TBC1D32: variants seen among roughly 807,000 people sequenced by gnomAD.
The protein encoded by TBC1D32 is TBC1 domain family member 32, also known as protein broad-minded.
A neutral mutation model predicts 170.3 loss-of-function variants in TBC1D32; 151 were observed. The ratio of observed to expected loss-of-function variants is 0.89; its 90% CI spans 0.78 to 1.01. The LOEUF (loss-of-function observed/expected upper bound fraction) is 1.01. Among genes scored for constraint, TBC1D32 ranks in the 50% least tolerant of loss-of-function variants. The pLI is 0.00. For missense variants in TBC1D32, 1,464 were observed against 1,457.1 expected, an observed-to-expected ratio of 1.00 and a Z score of -0.08; for synonymous variants, 498 against 488.0, an observed-to-expected ratio of 1.02 and a Z score of -0.27.
intron 26 of TBC1D32, among the ~76,000 whole-genome samples, chr6:121,120,453 T>C (rs1406880953): frequency 1.3e-5 from 2 of 152,002 alleles, no homozygotes; most frequent in Admixed American, 1.3e-4. Flanking sequence ...GCTATACGAA[T>C]TGGAGATTAT....
intron 15 of TBC1D32, among the ~76,000 whole-genome samples, chr6:121,266,952 G>C (rs1800583983): frequency 6.6e-6 from 1 of 151,642 alleles, no homozygotes; most frequent in Non-Finnish European, 1.5e-5. Flanking sequence ...AGGACAAATA[G>C]ATAATGCATG....
chr6:121,294,532 C>A, intron 11 of TBC1D32, 38 bp downstream of exon 11: 1 of 1,471,796 alleles, frequency 6.8e-7, no homozygotes, highest in Non-Finnish European at 9.3e-7. Context: ...TAAAATTTAC[C>A]ATTTTTAAAA....
At chr6:121,205,000 T>C (rs533279993) in intron 22 of TBC1D32, 75 bp downstream of exon 22, 1 of 799,726 alleles carries the variant, frequency 1.3e-6, no homozygotes, top group Non-Finnish European at 1.9e-6. Context: ...AATACTTTTT[T>C]AAAGTATACA....
intron 21 of TBC1D32, among the ~76,000 whole-genome samples, chr6:121,213,118 C>T (rs1313827883): frequency 6.6e-6 from 1 of 152,138 alleles, no homozygotes; most frequent in African/African-American, 2.4e-5. Flanking sequence ...AAGCAGGAAA[C>T]ATTTTCCTTG....
At chr6:121,140,107 T>C (rs1266875412) in intron 24 of TBC1D32, among the ~76,000 whole-genome samples, 1 of 152,104 alleles carries the variant, frequency 6.6e-6, no homozygotes, top group Non-Finnish European at 1.5e-5. Context: ...CTTAGCATCA[T>C]GGTCTTTACC....
chr6:121,302,560 A>G (rs1806655322), intron 9 of TBC1D32, among the ~76,000 whole-genome samples: 1 of 152,150 alleles, frequency 6.6e-6, no homozygotes, highest in Admixed American at 6.5e-5. Context: ...GATGACCTAA[A>G]CAGATAAATA....
intron 22 of TBC1D32, among the ~76,000 whole-genome samples, chr6:121,162,185 C>T (rs542505325): frequency 6.6e-5 from 10 of 152,240 alleles, no homozygotes; most frequent in African/African-American, 2.4e-4. Flanking sequence ...TGTACAGAAG[C>T]TTTTTAGTCT....
At chr6:121,150,267 T>G (rs1784045924) in intron 24 of TBC1D32, among the ~76,000 whole-genome samples, 1 of 152,132 alleles carries the variant, frequency 6.6e-6, no homozygotes. Flanking sequence ...ATTGAGATCA[T>G]CAATGTTTTT....
chr6:121,134,397 T>C (rs756999039), intron 24 of TBC1D32, among the ~76,000 whole-genome samples: 1 of 152,078 alleles, frequency 6.6e-6, no homozygotes, highest in Non-Finnish European at 1.5e-5. Flanking sequence ...TTTCTCATCA[T>C]CTCATTCTAA....
chr6:121,292,230 T>C, intron 11 of TBC1D32, 37 bp from the exon 12 acceptor site: 1 of 1,549,064 alleles, frequency 6.5e-7, no homozygotes, highest in Non-Finnish European at 8.8e-7. Flanking sequence ...TTATTTAGTA[T>C]CATTATATTT....
intron 6 of TBC1D32, 45 bp downstream of exon 6, chr6:121,304,710 C>A (rs778252801): frequency 1.3e-6 from 2 of 1,527,856 alleles, no homozygotes; most frequent in Admixed American, 1.8e-5. Context: ...TTCTTAAGTA[C>A]ATGCAAATGA....
chr6:121,150,333 C>G (rs950439972), intron 24 of TBC1D32, among the ~76,000 whole-genome samples: 1 of 152,164 alleles, frequency 6.6e-6, no homozygotes, highest in Non-Finnish European at 1.5e-5. Flanking sequence ...GTTGAACCAG[C>G]CTTGCATCCC....
At chr6:121,250,356 A>T (rs1798135834) in intron 17 of TBC1D32, among the ~76,000 whole-genome samples, 1 of 152,114 alleles carries the variant, frequency 6.6e-6, no homozygotes, top group Non-Finnish European at 1.5e-5. Flanking sequence ...TGACAAACCA[A>T]ATCCAGCAGC....
Position 121,334,267 on chromosome 6 carries a change from C to T in TBC1D32, c.155+9G>A. ...GTTTATAGGCTTAAAACATCAAAAG[C>T]AATTTTACTTGTGAAAATTTTCATC... On this transcript the variant is annotated intron_variant, in intron 1 of 31. Coordinates refer to ENST00000398212, the MANE Select transcript of TBC1D32 (RefSeq NM_152730.6). 1 of 1,612,888 alleles carries T rather than the reference C, an allele frequency of 6.2e-7. No homozygotes were observed. Among genetic ancestry groups the T allele is most frequent in the Non-Finnish European group, 8.5e-7 (1 of 1,179,112 alleles).
chr6:121,297,580 T>C (rs1805851239), intron 10 of TBC1D32, among the ~76,000 whole-genome samples: 1 of 152,058 alleles, frequency 6.6e-6, no homozygotes, highest in East Asian at 1.9e-4. Flanking sequence ...GTTCATGTCT[T>C]TCAGATTCTA....
chr6:121,144,853 G>A (rs190110578), intron 24 of TBC1D32, among the ~76,000 whole-genome samples: 33 of 152,256 alleles, frequency 2.2e-4, no homozygotes, highest in African/African-American at 7.9e-4. Context: ...AGAGAGATGT[G>A]AAAGATCCAA....
At chr6:121,102,774 A>G (rs1366515841) in intron 30 of TBC1D32, among the ~76,000 whole-genome samples, 2 of 152,160 alleles carry the variant, frequency 1.3e-5, no homozygotes, top group Non-Finnish European at 2.9e-5. Context: ...CTGCACAGCA[A>G]AAGAAACTAC....
chr6:121,152,465 G>A (rs1050334136), intron 24 of TBC1D32, among the ~76,000 whole-genome samples: 5 of 151,914 alleles, frequency 3.3e-5, no homozygotes, highest in South Asian at 2.1e-4. Context: ...TGATTCTGTC[G>A]ATTATGTGTC....
intron 3 of TBC1D32, among the ~76,000 whole-genome samples, chr6:121,312,678 A>G (rs1262423323): frequency 2.6e-5 from 4 of 152,198 alleles, no homozygotes; most frequent in African/African-American, 7.2e-5. Context: ...ATGTCTCAGT[A>G]CACATAGCAA....
Sources: allele counts gnomAD v4.1 joint callset (sites outside exome capture counted in the v4.1 genomes callset), GRCh38; gene constraint gnomAD v4.1.1; transcripts MANE v1.5; gene names NCBI Gene and HGNC (gene_info 2026-07-23, HGNC 2026-07-21).